The following PID1 variants were observed in gnomAD, a reference collection of about 807,000 sequenced individuals.
The protein encoded by PID1 is phosphotyrosine interaction domain containing 1.
In PID1, 10 loss-of-function variants were observed where a neutral mutation model predicts 19.1. The observed-to-expected ratio is 0.52, with a 90% CI of 0.32 to 0.89. The LOEUF is 0.89. Among genes scored for constraint, PID1 ranks in the 40% least tolerant of loss-of-function variants. The pLI, the probability that PID1 is intolerant of heterozygous loss-of-function variation, is 0.03. For synonymous variants in PID1, 130 were observed against 116.0 expected, an observed-to-expected ratio of 1.12 and a Z score of -0.78; for missense variants, 248 against 285.3, an observed-to-expected ratio of 0.87 and a Z score of 0.94.
intron 1 of PID1, among the ~76,000 whole-genome samples, chr2:229,250,943 A>C (rs1255168184): frequency 6.6e-6 from 1 of 152,140 alleles, no homozygotes; most frequent in Non-Finnish European, 1.5e-5. Context: ...CTCACTCAAA[A>C]ACAAAAGATC....
At position 229,149,032 on chromosome 2, in the gene PID1, A is replaced by AATAT. The variant is rs71793691; in HGVS notation, c.177+6782_177+6785dup. Among the ~76,000 whole-genome samples, 475 of 147,178 alleles carry AATAT rather than the reference A, an allele frequency of 3.2e-3. 1 individual carries two copies. Among genetic ancestry groups the AATAT allele is most frequent in the African/African-American group, 0.011 (432 of 40,476 alleles). ...CAATGGAAACCACAGGCTTGAATCT[A>AATAT]ATATATATATATATATATTATATTA... On this transcript the variant is annotated intron_variant, in intron 2 of 2. Coordinates refer to ENST00000392055, the MANE Select transcript of PID1 (RefSeq NM_001100818.2).
intron 1 of PID1, among the ~76,000 whole-genome samples, chr2:229,158,794 A>C (rs182041504): frequency 1.2e-4 from 19 of 152,210 alleles, no homozygotes; most frequent in Non-Finnish European, 2.1e-4. Context: ...TAAAAAGTAG[A>C]GATCATTATG....
At chr2:229,115,402 G>GA (rs59442124) in intron 2 of PID1, among the ~76,000 whole-genome samples, 88,605 of 120,416 alleles carry the variant, frequency 0.74, 31,788 homozygotes, top group East Asian at 0.79. Context: ...CTACTCTGGA[G>GA]AAAAAAAAAA....
At chr2:229,251,152 A>G (rs1690139789) in intron 1 of PID1, among the ~76,000 whole-genome samples, 1 of 152,228 alleles carries the variant, frequency 6.6e-6, no homozygotes, top group African/African-American at 2.4e-5. Context: ...TTTGATGCTC[A>G]AGGACTGAAA....
At chr2:229,074,214 A>C (rs1319394962) in intron 2 of PID1, among the ~76,000 whole-genome samples, 1 of 152,202 alleles carries the variant, frequency 6.6e-6, no homozygotes, top group East Asian at 1.9e-4. Flanking sequence ...ATGATGTTTA[A>C]GATATTTGAT....
intron 1 of PID1, among the ~76,000 whole-genome samples, chr2:229,249,799 G>C (rs1194548639): frequency 2.0e-5 from 3 of 150,570 alleles, no homozygotes; most frequent in Non-Finnish European, 4.4e-5. Flanking sequence ...ACAGGAGTAT[G>C]ATCCCCTGGG....
At chr2:229,189,757 C>T (rs1691216568) in intron 1 of PID1, among the ~76,000 whole-genome samples, 1 of 152,102 alleles carries the variant, frequency 6.6e-6, no homozygotes, top group South Asian at 2.1e-4. Context: ...ATCCATAACG[C>T]AGAACAGTCG....
At chr2:229,106,875 T>C (rs144145570) in intron 2 of PID1, among the ~76,000 whole-genome samples, 1 of 152,286 alleles carries the variant, frequency 6.6e-6, no homozygotes, top group East Asian at 1.9e-4. Context: ...CAAAAAGATA[T>C]GTCTAATTGC....
chr2:229,056,746 C>G (rs1694110967), intron 2 of PID1, among the ~76,000 whole-genome samples: 1 of 151,854 alleles, frequency 6.6e-6, no homozygotes, highest in Non-Finnish European at 1.5e-5. Context: ...AAATCAATTT[C>G]CAGGGTAATA....
chr2:229,118,780 C>CCTTT (rs1695459982), intron 2 of PID1, among the ~76,000 whole-genome samples: 1 of 152,036 alleles, frequency 6.6e-6, no homozygotes, highest in Admixed American at 6.6e-5. Flanking sequence ...TCAATCCTGC[C>CCTTT]TAAAAGGGCA....
chr2:229,084,526 C>T (rs575403272), intron 2 of PID1, among the ~76,000 whole-genome samples: 7 of 152,272 alleles, frequency 4.6e-5, no homozygotes, highest in Non-Finnish European at 7.4e-5. Flanking sequence ...ATATGAATTG[C>T]GACTGTCTCA....
chr2:229,266,753 A>C (rs2106296097), intron 1 of PID1, among the ~76,000 whole-genome samples: 1 of 152,342 alleles, frequency 6.6e-6, no homozygotes, highest in Middle Eastern at 3.4e-3. Flanking sequence ...AAAAGTGGTT[A>C]CAGGATGCAA....
intron 2 of PID1, among the ~76,000 whole-genome samples, chr2:229,062,004 G>C (rs1439207248): frequency 1.3e-5 from 2 of 151,770 alleles, no homozygotes; most frequent in East Asian, 3.9e-4. Context: ...GAATTGTCAG[G>C]GTTTTATACA....
Position 229,087,080 on chromosome 2 carries a change from T to A in PID1, c.178-60972A>T, listed in dbSNP as rs111612317. ...AGCTGCTGCATTCAAGGATTCAAAGTCTGAGGCATACACATTGTGCTCAAT... is the reference window on the plus strand; with the variant it reads ...AGCTGCTGCATTCAAGGATTCAAAGACTGAGGCATACACATTGTGCTCAAT... On this transcript the variant is annotated intron_variant, in intron 2 of 2. Transcript: ENST00000392055. Among the ~76,000 whole-genome samples, 895 of 152,284 alleles carry A rather than the reference T, an allele frequency of 5.9e-3. 14 individuals are homozygous for A. Among genetic ancestry groups the A allele is most frequent in the African/African-American group, 0.021 (870 of 41,560 alleles).
At chr2:229,214,904 T>C (rs1691813779) in intron 1 of PID1, among the ~76,000 whole-genome samples, 1 of 152,094 alleles carries the variant, frequency 6.6e-6, no homozygotes, top group African/African-American at 2.4e-5. Flanking sequence ...TCATACCATA[T>C]GTACTATTTT....
chr2:229,044,206 G>A (rs1347090479), intron 2 of PID1, among the ~76,000 whole-genome samples: 1 of 151,998 alleles, frequency 6.6e-6, no homozygotes, highest in Non-Finnish European at 1.5e-5. Context: ...TGTTGGGCTG[G>A]TGTACCTGGG....
intron 2 of PID1, among the ~76,000 whole-genome samples, chr2:229,134,966 G>A (rs936647385): frequency 1.3e-5 from 2 of 151,722 alleles, no homozygotes; most frequent in Non-Finnish European, 2.9e-5. Flanking sequence ...CTCACACAAA[G>A]GGAACATAAG....
intron 2 of PID1, among the ~76,000 whole-genome samples, chr2:229,119,399 C>A (rs1420272868): frequency 6.6e-6 from 1 of 152,142 alleles, no homozygotes; most frequent in Non-Finnish European, 1.5e-5. Context: ...ATGGACAATG[C>A]CTGAAGAGTT....
At chr2:229,088,507 G>A (rs1694811218) in intron 2 of PID1, among the ~76,000 whole-genome samples, 1 of 152,158 alleles carries the variant, frequency 6.6e-6, no homozygotes, top group African/African-American at 2.4e-5. Context: ...AAATGAAGGA[G>A]TGGACAGAAT....
Sources: gnomAD v4.1 joint callset for allele counts (sites outside exome capture counted in the v4.1 genomes callset) on GRCh38, gnomAD v4.1.1 for gene constraint, MANE v1.5 for transcripts, NCBI Gene and HGNC (gene_info 2026-07-23, HGNC 2026-07-21) for gene names.